Variants in PIEZO2 observed in about 807,000 individuals in gnomAD.
PIEZO2 encodes piezo-type mechanosensitive ion channel component 2.
PIEZO2 carries 172 observed loss-of-function variants against 337.3 expected under a neutral mutation model. The ratio of observed to expected loss-of-function variants is 0.51; its 90% CI spans 0.45 to 0.58. The LOEUF is 0.58. PIEZO2 is among the 20% of genes least tolerant of loss of function. PIEZO2 has a pLI of 0.00. For synonymous variants in PIEZO2, 1,251 were observed against 1,228.5 expected (o/e 1.02, Z -0.38); for missense variants, 3,028 against 3,391.3 (o/e 0.89, Z 2.66).
intron 1 of PIEZO2, among the ~76,000 whole-genome samples, chr18:11,135,270 A>G (rs983906387): frequency 6.6e-6 from 1 of 152,208 alleles, no homozygotes; most frequent in African/African-American, 2.4e-5. Flanking sequence ...CTTTGACTTC[A>G]GAGAAAACAA....
intron 8 of PIEZO2, among the ~76,000 whole-genome samples, chr18:10,806,341 G>A (rs1878362134): frequency 6.6e-6 from 1 of 152,112 alleles, no homozygotes; most frequent in South Asian, 2.1e-4. Context: ...TTGCAACCGG[G>A]CTCCTGACAG....
rs1352769161 is a variant in PIEZO2, at chr18:10,707,927, C to T, written c.5588+348G>A. 6.6e-6 allele frequency among the ~76,000 whole-genome samples: 1 copy of T among 152,116 alleles called. No individual in the cohort carries two copies. The highest frequency in any genetic ancestry group is 1.5e-5 in the Non-Finnish European group (1 of 68,024). ...TCTACCTTTGCAAACAGAGTTCCCC[C>T]TTTGAGTAGTGCCCTCAGAAGCTCT... On this transcript the variant is annotated intron_variant, in intron 40 of 55. Transcript: ENST00000674853. The surrounding 1 kb of genome is among the most constrained non-coding windows in gnomAD (Gnocchi z 4.2).
intron 1 of PIEZO2, among the ~76,000 whole-genome samples, chr18:11,066,522 G>A (rs1271670210): frequency 6.6e-6 from 1 of 152,154 alleles, no homozygotes; most frequent in Non-Finnish European, 1.5e-5. Flanking sequence ...TAATTTAAGG[G>A]ATACATAGTA....
At chr18:10,691,486 A>G in intron 47 of PIEZO2, 103 bp from the exon 48 acceptor site, 1 of 1,215,420 alleles carries the variant, frequency 8.2e-7, no homozygotes, top group Non-Finnish European at 1.2e-6. Context: ...TTTCCCCTTC[A>G]TCATTCCAAC....
At position 10,943,459 on chromosome 18, in the gene PIEZO2, G is replaced by A. The variant is rs917083904; in HGVS notation, c.287-32231C>T. On this transcript the variant is annotated intron_variant, in intron 3 of 55. Coordinates refer to ENST00000674853, the MANE Select transcript of PIEZO2 (RefSeq NM_001378183.1). The surrounding 1 kb of genome is among the most constrained non-coding windows in gnomAD (Gnocchi z 4.5). ...CATTTCGGAGCTTTAAGATTTGACTGCCCTGCTGGATTTCAGACTTGCATG... is the reference window on the plus strand; with the variant it reads ...CATTTCGGAGCTTTAAGATTTGACTACCCTGCTGGATTTCAGACTTGCATG... 6.6e-6 allele frequency among the ~76,000 whole-genome samples: 1 copy of A among 152,172 alleles called. No homozygotes were observed. Among genetic ancestry groups the A allele is most frequent in the Non-Finnish European group, 1.5e-5 (1 of 68,044 alleles).
intron 4 of PIEZO2, among the ~76,000 whole-genome samples, chr18:10,897,189 A>AT (rs113732954): frequency 0.23 from 33,437 of 146,016 alleles, 3,937 homozygotes; most frequent in Non-Finnish European, 0.27. Flanking sequence ...AGGAGATCTG[A>AT]TTTTTTTTTT....
At chr18:11,062,783 G>A (rs998018610) in intron 2 of PIEZO2, among the ~76,000 whole-genome samples, 1 of 152,184 alleles carries the variant, frequency 6.6e-6, no homozygotes, top group Admixed American at 6.5e-5. Context: ...AGGATGTGGA[G>A]AAATAGGAAC....
At chr18:10,687,160 C>T (rs1231606683) in intron 49 of PIEZO2, among the ~76,000 whole-genome samples, 1 of 152,058 alleles carries the variant, frequency 6.6e-6, no homozygotes, top group African/African-American at 2.4e-5. Context: ...GGTACATGTG[C>T]AGGATGTGCA....
rs1027090051 is a variant in PIEZO2, at chr18:10,704,555, C to A, written c.6097G>T (p.Ala2033Ser). ...LFYAMYNTLV[A>S]RSEMVCYFVI... ...AAGTAGCACACCATCTCCGAGCGGG[C>A]CACCAGGGTATTGTACATGGCATAG... Residue 2033 changes from alanine to serine, a missense_variant, in exon 42 of 56, where the codon GCC becomes TCC. By Grantham distance (99) the Ala-to-Ser change is moderately conservative. Coordinates refer to ENST00000674853, the MANE Select transcript of PIEZO2 (RefSeq NM_001378183.1). The A allele has an allele frequency of 2.9e-5, 44 of 1,537,148 alleles. No homozygotes were observed. The Admixed American group carries it at 7.8e-4, about 27-fold the overall frequency.
rs1031353243 is a variant in PIEZO2 at position 11,128,943 on chromosome 18, A to C, written c.64+19582T>G. Reference sequence around the variant, plus strand: ...TGAATTTATTGATTTGGGTCCACTAAGTAAGGACTCAGTGTTTAATGTTGC... The same window carrying C: ...TGAATTTATTGATTTGGGTCCACTACGTAAGGACTCAGTGTTTAATGTTGC... On this transcript the variant is annotated intron_variant, in intron 1 of 55. Transcript: ENST00000674853. The surrounding 1 kb of genome is among the most constrained non-coding windows in gnomAD (Gnocchi z 4.1). Among the ~76,000 whole-genome samples, 1 of 152,220 alleles carries C rather than the reference A, an allele frequency of 6.6e-6. No homozygotes were observed. The highest frequency in any genetic ancestry group is 6.5e-5 in the Admixed American group (1 of 15,278).
chr18:10,798,541 T>C (rs2039692087), intron 11 of PIEZO2, among the ~76,000 whole-genome samples: 1 of 152,244 alleles, frequency 6.6e-6, no homozygotes, highest in South Asian at 2.1e-4. Context: ...TGATGGATTT[T>C]AGAGTTACTG....
At chr18:10,686,591 A>G (rs911486983) in intron 49 of PIEZO2, among the ~76,000 whole-genome samples, 5 of 152,190 alleles carry the variant, frequency 3.3e-5, no homozygotes, top group Non-Finnish European at 5.9e-5. Flanking sequence ...TAGGCCATAT[A>G]TGGATGAACA....
chr18:10,922,199 C>T (rs565278285), intron 3 of PIEZO2, among the ~76,000 whole-genome samples: 2 of 152,194 alleles, frequency 1.3e-5, no homozygotes, highest in Admixed American at 6.5e-5. Context: ...GCTTGTGGGG[C>T]ATCACAGAAT....
In PIEZO2 at chr18:10,704,567, T is replaced by C; in HGVS notation, c.6085A>G (p.Asn2029Asp). 1.3e-6 allele frequency: 2 copies of C among 1,537,288 alleles called. No homozygotes were observed. Among genetic ancestry groups the C allele is most frequent in the South Asian group, 2.4e-5 (2 of 84,064 alleles). ...RFLLLFYAMY[N>D]TLVARSEMVC... Reference sequence around the variant, plus strand: ...ATCTCCGAGCGGGCCACCAGGGTATTGTACATGGCATAGAAGAGCAGCAGA... The same window carrying C: ...ATCTCCGAGCGGGCCACCAGGGTATCGTACATGGCATAGAAGAGCAGCAGA... Residue 2029 changes from asparagine (N) to aspartate (D), a missense_variant, in exon 42 of 56, where the codon AAT (asparagine) becomes GAT (aspartate). This residue lies in a region of PIEZO2 where 1,925 missense variants were observed against 2,051.9 expected (regional missense o/e 0.94). Coordinates refer to ENST00000674853, the MANE Select transcript of PIEZO2 (RefSeq NM_001378183.1).
At chr18:10,868,950 T>A (rs2042073172) in intron 5 of PIEZO2, among the ~76,000 whole-genome samples, 1 of 152,240 alleles carries the variant, frequency 6.6e-6, no homozygotes, top group Admixed American at 6.5e-5. Context: ...CTGTTATGAA[T>A]GGCACAGAAG....
chr18:10,880,950 T>C (rs2042404114), intron 4 of PIEZO2, among the ~76,000 whole-genome samples: 1 of 142,404 alleles, frequency 7.0e-6, no homozygotes, highest in South Asian at 2.3e-4. Context: ...TGACCTCATA[T>C]AGCAAGTCAT....
intron 3 of PIEZO2, among the ~76,000 whole-genome samples, chr18:10,923,694 T>G (rs1349788459): frequency 6.6e-6 from 1 of 152,266 alleles, no homozygotes; most frequent in African/African-American, 2.4e-5. Context: ...TTGCATATAC[T>G]TTGAGTAAAC....
chr18:10,777,154 C>T (rs971998798), intron 18 of PIEZO2, among the ~76,000 whole-genome samples: 30 of 152,188 alleles, frequency 2.0e-4, no homozygotes, highest in African/African-American at 6.8e-4. Context: ...CATTTCTTCT[C>T]TTAGGGTTTT....
At chr18:11,140,580 T>C (rs1413086191) in intron 1 of PIEZO2, among the ~76,000 whole-genome samples, 1 of 152,184 alleles carries the variant, frequency 6.6e-6, no homozygotes, top group East Asian at 1.9e-4. Context: ...GCTTAGGGAC[T>C]TGAGTCTAGC....
Sources: allele counts gnomAD v4.1 joint callset (sites outside exome capture counted in the v4.1 genomes callset), GRCh38; gene constraint gnomAD v4.1.1; regional missense constraint gnomAD v4.1.1; non-coding constraint Gnocchi (gnomAD v3.1); transcripts MANE v1.5; gene names NCBI Gene and HGNC (gene_info 2026-07-23, HGNC 2026-07-21).